ATP7B: variants seen among roughly 807,000 people sequenced by gnomAD.
The protein encoded by ATP7B is copper-transporting ATPase 2.
In ATP7B, 113 loss-of-function variants were observed where a neutral mutation model predicts 118.9. The ratio of observed to expected loss-of-function variants is 0.95; its 90% confidence interval spans 0.82 to 1.11. ATP7B has a LOEUF of 1.11. Among genes scored for constraint, ATP7B ranks in the 50% most tolerant of loss-of-function variants. The probability of loss-of-function intolerance (pLI) is 0.00; values close to 1 mark genes in which losing one functional copy is unlikely to be tolerated. For missense variants in ATP7B, 1,867 were observed against 1,871.4 expected (o/e 1.00, Z 0.04); for synonymous variants, 777 against 727.4 (o/e 1.07, Z -1.10).
chr13:51,972,154 T>A (rs992813289), intron 2 of ATP7B, among the ~76,000 whole-genome samples: 7 of 152,170 alleles, frequency 4.6e-5, no homozygotes, highest in Middle Eastern at 3.4e-3. Flanking sequence ...TCACCTATCA[T>A]CCTCTTTATC....
intron 1 of ATP7B, among the ~76,000 whole-genome samples, chr13:51,979,586 T>C (rs1296225575): frequency 6.6e-6 from 1 of 152,156 alleles, no homozygotes; most frequent in Non-Finnish European, 1.5e-5. Flanking sequence ...GAACCAAGGA[T>C]AAAAGAAAAA....
Position 51,936,942 on chromosome 13 carries a change from C to T in ATP7B, c.4021+334G>A, listed in dbSNP as rs565000817. On this transcript the variant is annotated intron_variant, in intron 19 of 20. Coordinates refer to ENST00000242839, the MANE Select transcript of ATP7B (RefSeq NM_000053.4). The stretch of plus-strand genomic sequence containing the variant: ...AATTGTGCCTAGCATGTAGCAGATG[C>T]CCCATAATTCTTACTAATGATTATT... Among the ~76,000 whole-genome samples, 8 of 152,252 alleles carry T rather than the reference C, an allele frequency of 5.3e-5. No homozygotes were observed. In the East Asian group the frequency reaches 1.5e-3, roughly 29 times the overall value.
rs1027634814 is a variant in ATP7B, at chr13:52,011,417, T to C, written c.-80A>G. ...CTGGTCGGTGGAGGAGAGCGGGGTG[T>C]TAAAGTCCCGGGAGAGGAGGCGCAG... On this transcript the variant is annotated 5_prime_UTR_variant, in exon 1 of 21. Coordinates refer to ENST00000242839, the MANE Select transcript of ATP7B (RefSeq NM_000053.4). 135 of 1,594,698 alleles carry C rather than the reference T, an allele frequency of 8.5e-5. 1 individual carries two copies. In the South Asian group the frequency reaches 1.4e-3, roughly 17 times the overall value.
chr13:51,944,360 G>T lies in ATP7B; in HGVS notation c.3061-69C>A. The T allele has an allele frequency of 1.9e-6, 3 of 1,590,002 alleles. No individual in the cohort carries two copies. The Admixed American group carries it at 5.2e-5, about 28-fold the overall frequency. The stretch of plus-strand genomic sequence containing the variant: ...GGGGCTTCCATAGTCACACTCCTGA[G>T]GCAGAACTTCACCCAACCTGCCTCA... On this transcript the variant is annotated intron_variant, in intron 13 of 20. Coordinates refer to ENST00000242839, the MANE Select transcript of ATP7B (RefSeq NM_000053.4).
intron 1 of ATP7B, among the ~76,000 whole-genome samples, chr13:52,006,164 T>C (rs1953760147): frequency 6.6e-6 from 1 of 152,208 alleles, no homozygotes; most frequent in Admixed American, 6.5e-5. Flanking sequence ...AATGACTGGC[T>C]TGCTGTTAAT....
intron 1 of ATP7B, among the ~76,000 whole-genome samples, chr13:51,978,206 G>C (rs1429135829): frequency 6.6e-6 from 1 of 151,880 alleles, no homozygotes; most frequent in Non-Finnish European, 1.5e-5. Context: ...TAAAAAACTG[G>C]GGGAAAAAAG....
chr13:51,939,822 G>A (rs1051633495), intron 16 of ATP7B, among the ~76,000 whole-genome samples: 3 of 152,110 alleles, frequency 2.0e-5, no homozygotes, highest in African/African-American at 7.2e-5. Flanking sequence ...AAAAAAGAGA[G>A]AGAATGTGAG....
At chr13:51,954,328 G>A (rs1034460625) in intron 9 of ATP7B, among the ~76,000 whole-genome samples, 2 of 152,234 alleles carry the variant, frequency 1.3e-5, no homozygotes, top group African/African-American at 2.4e-5. Flanking sequence ...TCACTGCCAC[G>A]TTAGGAAGGT....
At chr13:52,002,025 T>C (rs1319121896) in intron 1 of ATP7B, among the ~76,000 whole-genome samples, 1 of 152,140 alleles carries the variant, frequency 6.6e-6, no homozygotes, top group Admixed American at 6.6e-5. Context: ...CTCGAACTCC[T>C]GAGCTCAAGC....
At chr13:51,943,156 G>A (rs986240419) in intron 14 of ATP7B, among the ~76,000 whole-genome samples, 2 of 152,166 alleles carry the variant, frequency 1.3e-5, no homozygotes, top group African/African-American at 4.8e-5. Flanking sequence ...TTGTTCTCCT[G>A]AGCCTGACGC....
intron 1 of ATP7B, among the ~76,000 whole-genome samples, chr13:51,994,056 A>T (rs1035268469): frequency 3.3e-5 from 5 of 152,204 alleles, no homozygotes; most frequent in Admixed American, 2.0e-4. Flanking sequence ...GACATTTTTT[A>T]AAAATGCCTC....
intron 19 of ATP7B, among the ~76,000 whole-genome samples, chr13:51,936,425 C>A (rs1477973181): frequency 8.1e-6 from 1 of 123,800 alleles, no homozygotes; most frequent in African/African-American, 3.2e-5. Context: ...TTTTCATTGC[C>A]ATGTTCCTGG....
At chr13:51,976,236 C>A (rs1179813744) in intron 1 of ATP7B, among the ~76,000 whole-genome samples, 1 of 152,222 alleles carries the variant, frequency 6.6e-6, no homozygotes, top group Non-Finnish European at 1.5e-5. Flanking sequence ...TACTTGTACA[C>A]AATCCTGCTT....
At chr13:51,999,288 G>A (rs1409522157) in intron 1 of ATP7B, among the ~76,000 whole-genome samples, 1 of 152,156 alleles carries the variant, frequency 6.6e-6, no homozygotes, top group African/African-American at 2.4e-5. Flanking sequence ...CTGGGAGCGG[G>A]GGAGGGAAGG....
chr13:51,982,716 A>T lies in ATP7B; in HGVS notation c.52-7548T>A, dbSNP rs1004230845. On this transcript the variant is annotated intron_variant, in intron 1 of 20. Transcript: ENST00000242839. Reference sequence around the variant, plus strand: ...AGGGTGATTTCTGCATTTCCAGCTGAGGTACCCAGCTCATCTGGTTAAACA... The same window carrying T: ...AGGGTGATTTCTGCATTTCCAGCTGTGGTACCCAGCTCATCTGGTTAAACA... Among the ~76,000 whole-genome samples, 5 of 152,298 alleles carry T rather than the reference A, an allele frequency of 3.3e-5. 1 individual carries two copies. The East Asian group carries it at 9.7e-4, about 29-fold the overall frequency.
chr13:51,958,771 T>G (rs1002359993), intron 7 of ATP7B: 2 of 580,380 alleles, frequency 3.4e-6, no homozygotes, highest in Non-Finnish European at 6.2e-6. Flanking sequence ...AACCCAGTGC[T>G]TACAACACAA....
chr13:51,952,669 C>T (rs531876590), intron 9 of ATP7B, among the ~76,000 whole-genome samples: 1 of 152,274 alleles, frequency 6.6e-6, no homozygotes, highest in Non-Finnish European at 1.5e-5. Flanking sequence ...AACTTAGTAA[C>T]TACCATATGC....
chr13:52,009,661 C>T (rs112046025), intron 1 of ATP7B, among the ~76,000 whole-genome samples: 2,139 of 152,260 alleles, frequency 0.014, 61 homozygotes, highest in African/African-American at 0.049. Context: ...TTTTCAGTGA[C>T]GCTTCACGGG....
chr13:51,935,721 C>T (rs1156319068), intron 19 of ATP7B, 26 bp from the exon 20 acceptor site: 1 of 1,592,358 alleles, frequency 6.3e-7, no homozygotes, highest in Non-Finnish European at 8.6e-7. Flanking sequence ...CTCGCACTCA[C>T]ACCTAGGTCT....
Sources: allele counts gnomAD v4.1 joint callset (sites outside exome capture counted in the v4.1 genomes callset), GRCh38; gene constraint gnomAD v4.1.1; transcripts MANE v1.5; gene names NCBI Gene and HGNC (gene_info 2026-07-23, HGNC 2026-07-21).